The following THSD7B variants were observed in gnomAD, a reference collection of about 807,000 sequenced individuals.
The protein encoded by THSD7B is thrombospondin type-1 domain-containing protein 7B.
In THSD7B, 138 loss-of-function variants were observed where a neutral mutation model predicts 213.6. That is an observed-to-expected ratio of 0.65 (90% CI 0.56 to 0.74). The LOEUF is 0.74. THSD7B is among the 30% of genes least tolerant of loss of function. The probability of loss-of-function intolerance (pLI) is 0.00; values close to 1 mark genes in which losing one functional copy is unlikely to be tolerated. For missense variants in THSD7B, 1,931 were observed against 1,991.5 expected, an observed-to-expected ratio of 0.97 and a Z score of 0.58; for synonymous variants, 742 against 687.0, an observed-to-expected ratio of 1.08 and a Z score of -1.25.
At position 137,071,791 on chromosome 2, in the gene THSD7B, G is replaced by A. The variant is rs547620571; in HGVS notation, c.950+14561G>A. On this transcript the variant is annotated intron_variant, in intron 3 of 27. Coordinates refer to ENST00000409968, the MANE Select transcript of THSD7B (RefSeq NM_001316349.2). ...TCTTGAATTAATTTTTGTATAAGGT[G>A]TAAGGAAGGGATCCAGTTTCAGCTT... Among the ~76,000 whole-genome samples, 268 of 152,194 alleles carry A rather than the reference G, an allele frequency of 1.8e-3. 1 individual carries two copies. The highest frequency in any genetic ancestry group is 6.3e-3 in the African/African-American group (261 of 41,520).
chr2:137,644,029 A>G (rs982353468), intron 21 of THSD7B, among the ~76,000 whole-genome samples: 2 of 152,228 alleles, frequency 1.3e-5, no homozygotes, highest in Admixed American at 6.5e-5. Context: ...TACAAAAACA[A>G]TAAGGGCAAG....
chr2:136,845,826 C>A (rs1364438759), intron 1 of THSD7B, among the ~76,000 whole-genome samples: 2 of 152,184 alleles, frequency 1.3e-5, no homozygotes, highest in African/African-American at 4.8e-5. Context: ...CCTCATTCCT[C>A]ATCACAACTT....
chr2:136,916,931 T>G (rs1684359387), intron 2 of THSD7B, among the ~76,000 whole-genome samples: 1 of 152,192 alleles, frequency 6.6e-6, no homozygotes, highest in Non-Finnish European at 1.5e-5. Context: ...TGGATCCTAT[T>G]TCTAAAATAC....
At chr2:137,091,144 C>T (rs191515880) in intron 3 of THSD7B, among the ~76,000 whole-genome samples, 103 of 152,272 alleles carry the variant, frequency 6.8e-4, no homozygotes, top group Non-Finnish European at 1.2e-3. Flanking sequence ...GATCCCTTTT[C>T]GAAAATATAA....
intron 1 of THSD7B, among the ~76,000 whole-genome samples, chr2:136,772,116 G>T (rs796110921): frequency 9.9e-5 from 15 of 152,104 alleles, no homozygotes; most frequent in African/African-American, 3.4e-4. Flanking sequence ...AAACCACAGA[G>T]CCTAGATGTG....
intron 12 of THSD7B, among the ~76,000 whole-genome samples, chr2:137,341,887 T>C (rs915139652): frequency 1.3e-5 from 2 of 151,722 alleles, no homozygotes; most frequent in Non-Finnish European, 3.0e-5. Context: ...ATAGTAAAAC[T>C]TGATATCAGG....
At chr2:136,974,127 A>G (rs929680687) in intron 2 of THSD7B, among the ~76,000 whole-genome samples, 1 of 152,078 alleles carries the variant, frequency 6.6e-6, no homozygotes, top group Non-Finnish European at 1.5e-5. Context: ...TTACCTCTAT[A>G]ATATTTTAGT....
chr2:137,087,322 A>G (rs969304802), intron 3 of THSD7B, among the ~76,000 whole-genome samples: 10 of 152,206 alleles, frequency 6.6e-5, no homozygotes, highest in Non-Finnish European at 1.3e-4. Context: ...AGCCAGAGCA[A>G]TCAGACAAAA....
chr2:137,139,294 C>T (rs1679533476), intron 5 of THSD7B, among the ~76,000 whole-genome samples: 1 of 152,106 alleles, frequency 6.6e-6, no homozygotes, highest in Admixed American at 6.6e-5. Context: ...AGTTAGTCAC[C>T]TCCATTCTTT....
chr2:136,996,291 G>GTCTC (rs70975734), intron 2 of THSD7B, among the ~76,000 whole-genome samples: 9 of 151,104 alleles, frequency 6.0e-5, no homozygotes, highest in Admixed American at 2.0e-4. Flanking sequence ...AGTCAGACTG[G>GTCTC]TCTCTCTCTC....
chr2:137,099,861 C>T (rs1354374522), intron 4 of THSD7B, among the ~76,000 whole-genome samples: 7 of 152,132 alleles, frequency 4.6e-5, no homozygotes, highest in African/African-American at 9.7e-5. Flanking sequence ...TACTCTGGTC[C>T]GGCACTGAAT....
At chr2:137,434,256 T>C (rs1011652408) in intron 14 of THSD7B, among the ~76,000 whole-genome samples, 1 of 152,194 alleles carries the variant, frequency 6.6e-6, no homozygotes, top group South Asian at 2.1e-4. Flanking sequence ...AATTTCTTTC[T>C]GCATATGCCA....
At chr2:136,804,185 T>G (rs1435620867) in intron 1 of THSD7B, among the ~76,000 whole-genome samples, 1 of 152,202 alleles carries the variant, frequency 6.6e-6, no homozygotes, top group Non-Finnish European at 1.5e-5. Flanking sequence ...CTGTGAATAC[T>G]GCCTTGGTCA....
chr2:137,398,913 A>C (rs1686278053), intron 12 of THSD7B, among the ~76,000 whole-genome samples: 2 of 152,158 alleles, frequency 1.3e-5, no homozygotes, highest in African/African-American at 4.8e-5. Flanking sequence ...TTCGGGTGGG[A>C]GTGACCCGAT....
chr2:137,598,777 C>T (rs1682015326), intron 17 of THSD7B, among the ~76,000 whole-genome samples: 1 of 152,076 alleles, frequency 6.6e-6, no homozygotes, highest in African/African-American at 2.4e-5. Flanking sequence ...CTGTGTAACT[C>T]ATAATTCAAT....
chr2:136,903,726 T>A (rs1684100427), intron 2 of THSD7B, among the ~76,000 whole-genome samples: 1 of 152,190 alleles, frequency 6.6e-6, no homozygotes, highest in South Asian at 2.1e-4. Context: ...GCCAGAGAGC[T>A]AGGCTAGTGC....
intron 1 of THSD7B, among the ~76,000 whole-genome samples, chr2:136,831,273 A>G (rs1301807081): frequency 6.6e-6 from 1 of 152,190 alleles, no homozygotes; most frequent in Non-Finnish European, 1.5e-5. Flanking sequence ...TAAAAATAAC[A>G]TACATATTTA....
intron 2 of THSD7B, among the ~76,000 whole-genome samples, chr2:136,942,283 T>G (rs1684841238): frequency 6.6e-6 from 1 of 152,254 alleles, no homozygotes; most frequent in African/African-American, 2.4e-5. Context: ...GGTAGCATGA[T>G]GCCTCCAGCT....
chr2:137,022,638 CTTTTT>C (rs68006016), intron 2 of THSD7B, among the ~76,000 whole-genome samples: 2 of 149,400 alleles, frequency 1.3e-5, no homozygotes, highest in South Asian at 4.2e-4. Context: ...TTCCTTTTAA[CTTTTT>C]TTTTTGATGT....
Sources: gnomAD v4.1 joint callset for allele counts (sites outside exome capture counted in the v4.1 genomes callset) on GRCh38, gnomAD v4.1.1 for gene constraint, MANE v1.5 for transcripts, NCBI Gene and HGNC (gene_info 2026-07-23, HGNC 2026-07-21) for gene names.